SLC10A7: variants seen among roughly 807,000 people sequenced by gnomAD.
SLC10A7 encodes the protein sodium/bile acid cotransporter 7.
In SLC10A7, 29 loss-of-function variants were observed where a neutral mutation model predicts 43.2. That is an observed-to-expected ratio of 0.67 (90% confidence interval 0.50 to 0.92). The LOEUF (loss-of-function observed/expected upper bound fraction) is 0.92. Among genes scored for constraint, SLC10A7 ranks in the 40% least tolerant of loss-of-function variants. The probability of loss-of-function intolerance (pLI) is 0.00; values close to 1 mark genes in which losing one functional copy is unlikely to be tolerated. For synonymous variants in SLC10A7, 152 were observed against 144.8 expected, an observed-to-expected ratio of 1.05 and a Z score of -0.35; for missense variants, 295 against 403.2, an observed-to-expected ratio of 0.73 and a Z score of 2.30.
rs1731570846 is a variant in SLC10A7, at chr4:146,306,362, AGATATC to A, written c.472-359_472-354del. On this transcript the variant is annotated intron_variant, in intron 6 of 11. Transcript: ENST00000335472. ...TGTGATTTTTATTTCACCTGTCTGT[AGATATC>A]TAAAATAAATGTCTCATTCCTTTAT... Among the ~76,000 whole-genome samples, 6 of 152,228 alleles carry A rather than the reference AGATATC, an allele frequency of 3.9e-5. No homozygotes were observed. The South Asian group carries it at 1.2e-3, about 32-fold the overall frequency.
At chr4:146,344,597 AACT>A (rs1156703163) in intron 5 of SLC10A7, among the ~76,000 whole-genome samples, 40 of 151,980 alleles carry the variant, frequency 2.6e-4, no homozygotes, top group Admixed American at 2.6e-3. Flanking sequence ...GTGAGACAAA[AACT>A]ACTTTCATTA....
intron 4 of SLC10A7, among the ~76,000 whole-genome samples, chr4:146,446,740 TTATCTATC>T (rs150949685): frequency 0.14 from 20,297 of 143,636 alleles, 1,478 homozygotes; most frequent in Middle Eastern, 0.22. Context: ...GTGAGAAGGT[TTATCTATC>T]TATCTATCTA....
At chr4:146,321,249 G>A (rs193206420) in intron 6 of SLC10A7, among the ~76,000 whole-genome samples, 1 of 152,156 alleles carries the variant, frequency 6.6e-6, no homozygotes, top group Admixed American at 6.6e-5. Flanking sequence ...AAATCTACAG[G>A]AGAGAATACT....
At position 146,294,002 on chromosome 4, in the gene SLC10A7, T is replaced by C. The variant is rs202244511; in HGVS notation, c.649A>G (p.Thr217Ala). Reference sequence around the variant, plus strand: ...GGGTTAGAGAACGTGTCACAGAATGTTGTGTAGATGATCATGAGGAGTACA... The same window carrying C: ...GGGTTAGAGAACGTGTCACAGAATGCTGTGTAGATGATCATGAGGAGTACA... The part of the protein sequence containing the change: ...SSVLLMIIYT[T>A]FCDTFSNPNI... The change falls in exon 8 of 12, where the codon ACA becomes GCA. Residue 217 changes from threonine to alanine, a missense_variant. Physicochemically the swap from Thr to Ala is moderately conservative, Grantham distance 58 (BLOSUM62 0). Coordinates refer to ENST00000335472, the MANE Select transcript of SLC10A7 (RefSeq NM_001029998.6). The C allele has an allele frequency of 7.4e-6, 12 of 1,613,542 alleles. No homozygotes were observed. Among genetic ancestry groups the C allele is most frequent in the Non-Finnish European group, 1.0e-5 (12 of 1,179,548 alleles).
chr4:146,447,771 A>G (rs79530391), intron 4 of SLC10A7, among the ~76,000 whole-genome samples: 6,334 of 152,150 alleles, frequency 0.042, 193 homozygotes, highest in South Asian at 0.15. Context: ...GTATCAACCC[A>G]ATTTTACCCA....
chr4:146,364,578 A>G (rs1295555654), intron 5 of SLC10A7, among the ~76,000 whole-genome samples: 6 of 152,264 alleles, frequency 3.9e-5, no homozygotes, highest in African/African-American at 1.4e-4. Flanking sequence ...GCTATAAAAA[A>G]TTGAATTCAT....
intron 4 of SLC10A7, among the ~76,000 whole-genome samples, chr4:146,503,157 G>A (rs959103264): frequency 1.3e-5 from 2 of 152,186 alleles, no homozygotes; most frequent in Non-Finnish European, 2.9e-5. Flanking sequence ...ATGAACTGAA[G>A]TGGAAACCCA....
At chr4:146,406,755 G>A (rs1240208213) in intron 5 of SLC10A7, among the ~76,000 whole-genome samples, 2 of 152,156 alleles carry the variant, frequency 1.3e-5, no homozygotes, top group African/African-American at 2.4e-5. Context: ...GGCAGAGGCG[G>A]GAGGATCACC....
chr4:146,296,502 A>T (rs1338661320), intron 7 of SLC10A7, among the ~76,000 whole-genome samples: 2 of 152,132 alleles, frequency 1.3e-5, no homozygotes, highest in East Asian at 3.8e-4. Flanking sequence ...CTTCTAGCCA[A>T]AATGTCTTTC....
At chr4:146,380,618 G>A (rs570194616) in intron 5 of SLC10A7, among the ~76,000 whole-genome samples, 31 of 152,076 alleles carry the variant, frequency 2.0e-4, no homozygotes, top group African/African-American at 7.5e-4. Flanking sequence ...GTTGCTAAAG[G>A]CTACAAAGAT....
intron 10 of SLC10A7, among the ~76,000 whole-genome samples, chr4:146,270,012 C>T (rs531415828): frequency 6.6e-6 from 1 of 152,120 alleles, no homozygotes; most frequent in Non-Finnish European, 1.5e-5. Context: ...TTATGTTGAA[C>T]AAAAGCCTCA....
At chr4:146,286,810 G>GAA (rs1383369847) in intron 9 of SLC10A7, among the ~76,000 whole-genome samples, 1 of 151,286 alleles carries the variant, frequency 6.6e-6, no homozygotes, top group Non-Finnish European at 1.5e-5. Context: ...GCAGTGGTGA[G>GAA]AAGGACTGTT....
intron 5 of SLC10A7, among the ~76,000 whole-genome samples, chr4:146,350,926 T>C (rs1354254208): frequency 7.0e-6 from 1 of 143,694 alleles, no homozygotes. Flanking sequence ...ACCACAAAGA[T>C]GGGGAAAAAA....
intron 5 of SLC10A7, among the ~76,000 whole-genome samples, chr4:146,339,455 C>T (rs1578924726): frequency 6.6e-6 from 1 of 151,904 alleles, no homozygotes; most frequent in Non-Finnish European, 1.5e-5. Context: ...AGAGCCATTC[C>T]TGCAGCTTAG....
intron 5 of SLC10A7, chr4:146,442,542 T>C: frequency 7.4e-7 from 1 of 1,343,248 alleles, no homozygotes; most frequent in South Asian, 1.7e-5. Context: ...AGTGTTTTAA[T>C]TGATTCCTTG....
At chr4:146,448,197 C>A (rs1731275868) in intron 4 of SLC10A7, among the ~76,000 whole-genome samples, 1 of 150,590 alleles carries the variant, frequency 6.6e-6, no homozygotes, top group Admixed American at 6.6e-5. Context: ...TGCACATGTA[C>A]CCTAAAACTT....
At chr4:146,509,016 G>C (rs1419662154) in intron 3 of SLC10A7, among the ~76,000 whole-genome samples, 2 of 152,116 alleles carry the variant, frequency 1.3e-5, no homozygotes, top group African/African-American at 4.8e-5. Context: ...TCCTGCCCTA[G>C]AGCCTTTGTA....
At chr4:146,470,612 T>C (rs1462094008) in intron 4 of SLC10A7, among the ~76,000 whole-genome samples, 2 of 152,204 alleles carry the variant, frequency 1.3e-5, no homozygotes, top group Non-Finnish European at 2.9e-5. Context: ...CACAAGGTAC[T>C]TACCTCAAAC....
chr4:146,345,227 G>C (rs1734536334), intron 5 of SLC10A7, among the ~76,000 whole-genome samples: 1 of 152,140 alleles, frequency 6.6e-6, no homozygotes. Flanking sequence ...AGGGAGTCAA[G>C]AGTGCAATGG....
Sources: allele counts gnomAD v4.1 joint callset (sites outside exome capture counted in the v4.1 genomes callset), GRCh38; gene constraint gnomAD v4.1.1; transcripts MANE v1.5; gene names NCBI Gene and HGNC (gene_info 2026-07-23, HGNC 2026-07-21).